OXR1: variants seen among roughly 807,000 people sequenced by gnomAD.
OXR1 encodes the protein oxidation resistance protein 1.
OXR1 carries 41 observed loss-of-function variants against 104.6 expected under a neutral mutation model. The ratio of observed to expected loss-of-function variants is 0.39; its 90% CI spans 0.31 to 0.51. The LOEUF (loss-of-function observed/expected upper bound fraction) is 0.51. Ranked by LOEUF, OXR1 falls within the 20% of genes least tolerant of loss-of-function variation. The pLI is 0.77. For synonymous variants in OXR1, 348 were observed against 348.4 expected, an observed-to-expected ratio of 1.00 and a Z score of 0.01; for missense variants, 955 against 1,031.9, an observed-to-expected ratio of 0.93 and a Z score of 1.02.
intron 2 of OXR1, among the ~76,000 whole-genome samples, chr8:106,464,786 A>G (rs1821089139): frequency 6.6e-6 from 1 of 152,044 alleles, no homozygotes; most frequent in African/African-American, 2.4e-5. Flanking sequence ...ATTGAGCACG[A>G]AGCATATCTC....
chr8:106,538,706 T>C (rs555717854), intron 3 of OXR1, among the ~76,000 whole-genome samples: 3 of 152,334 alleles, frequency 2.0e-5, no homozygotes, highest in Non-Finnish European at 2.9e-5. Context: ...CTCTTTGTTT[T>C]GGTTTCATGC....
At chr8:106,354,867 T>C (rs966553866) in intron 1 of OXR1, among the ~76,000 whole-genome samples, 1 of 152,122 alleles carries the variant, frequency 6.6e-6, no homozygotes, top group South Asian at 2.1e-4. Context: ...ACTAAACGAA[T>C]TTATTAGAAT....
chr8:106,590,302 G>T (rs1293881398), intron 3 of OXR1, among the ~76,000 whole-genome samples: 7 of 151,878 alleles, frequency 4.6e-5, no homozygotes, highest in African/African-American at 1.7e-4. Context: ...TGTTGTTGTT[G>T]TTTGAGACGG....
At chr8:106,406,954 A>C (rs72678565) in intron 2 of OXR1, among the ~76,000 whole-genome samples, 1 of 152,244 alleles carries the variant, frequency 6.6e-6, no homozygotes, top group Non-Finnish European at 1.5e-5. Flanking sequence ...GCAAAACTGC[A>C]ATTACTTCTG....
At position 106,316,717 on chromosome 8, in the gene OXR1, C is replaced by CATCT. The variant is rs71307053; in HGVS notation, c.-138-42704_-138-42701dup. Among the ~76,000 whole-genome samples, 1,133 of 118,648 alleles carry CATCT rather than the reference C, an allele frequency of 9.5e-3. 8 individuals are homozygous for CATCT. The highest frequency in any genetic ancestry group is 0.016 in the East Asian group (68 of 4,340). The allele number at this position is 118,648 out of a possible 152,430, so 77.8% of individuals were successfully genotyped here. Reference sequence around the variant, plus strand: ...TCTATCTATCTATCTATCTATCTATCATCTATCTATCTATCTATCTATCTA... The same window carrying CATCT: ...TCTATCTATCTATCTATCTATCTATCATCTATCTATCTATCTATCTATCTATCTA... On this transcript the variant is annotated intron_variant, in intron 1 of 16. Coordinates refer to ENST00000517566, the MANE Select transcript of OXR1 (RefSeq NM_001198533.2).
intron 3 of OXR1, among the ~76,000 whole-genome samples, chr8:106,523,079 T>A (rs1318465995): frequency 6.6e-6 from 1 of 152,220 alleles, no homozygotes; most frequent in African/African-American, 2.4e-5. Context: ...AGCTACCCGT[T>A]CCTTGCTTGC....
chr8:106,673,397 G>T (rs1341597358), intron 3 of OXR1, among the ~76,000 whole-genome samples: 1 of 152,176 alleles, frequency 6.6e-6, no homozygotes, highest in Non-Finnish European at 1.5e-5. Flanking sequence ...TTCAAGAGGT[G>T]ACCTGGGTGA....
intron 1 of OXR1, among the ~76,000 whole-genome samples, chr8:106,288,765 A>G (rs1452226607): frequency 6.7e-6 from 1 of 148,466 alleles, no homozygotes; most frequent in Non-Finnish European, 1.5e-5. Context: ...GTGTATATAT[A>G]TGTGTATATA....
intron 2 of OXR1, among the ~76,000 whole-genome samples, chr8:106,482,954 T>G (rs1450130263): frequency 1.3e-5 from 2 of 152,040 alleles, no homozygotes; most frequent in Non-Finnish European, 2.9e-5. Context: ...GATAAAATAA[T>G]CTTCACAGTT....
chr8:106,318,884 C>A (rs1814095619), intron 1 of OXR1, among the ~76,000 whole-genome samples: 1 of 152,140 alleles, frequency 6.6e-6, no homozygotes, highest in Non-Finnish European at 1.5e-5. Flanking sequence ...GGTCTATCTC[C>A]AGATGTTAAA....
At chr8:106,489,590 T>C (rs1810939749) in intron 2 of OXR1, among the ~76,000 whole-genome samples, 1 of 152,182 alleles carries the variant, frequency 6.6e-6, no homozygotes, top group Non-Finnish European at 1.5e-5. Context: ...TGTATTGATA[T>C]GTTTGGAATA....
intron 2 of OXR1, among the ~76,000 whole-genome samples, chr8:106,371,743 A>C (rs112935440): frequency 0.028 from 4,211 of 152,120 alleles, 70 homozygotes; most frequent in African/African-American, 0.04. Context: ...CTTTGATTGT[A>C]CTGTGTTCTC....
intron 3 of OXR1, among the ~76,000 whole-genome samples, chr8:106,555,546 T>A (rs1816200744): frequency 6.6e-6 from 1 of 152,048 alleles, no homozygotes; most frequent in Non-Finnish European, 1.5e-5. Context: ...ATGAAGAGTC[T>A]ATAGATGAGA....
intron 3 of OXR1, among the ~76,000 whole-genome samples, chr8:106,562,523 T>A (rs1279710135): frequency 1.3e-5 from 2 of 152,090 alleles, no homozygotes; most frequent in Non-Finnish European, 2.9e-5. Context: ...ACAGGGAGAA[T>A]GGAACCAAGT....
At chr8:106,357,868 C>G (rs1816045151) in intron 1 of OXR1, among the ~76,000 whole-genome samples, 1 of 152,102 alleles carries the variant, frequency 6.6e-6, no homozygotes, top group Admixed American at 6.6e-5. Context: ...CTTTGGGGGT[C>G]AAGGTCACCA....
At chr8:106,464,579 A>G (rs992767902) in intron 2 of OXR1, among the ~76,000 whole-genome samples, 2 of 151,986 alleles carry the variant, frequency 1.3e-5, no homozygotes, top group Admixed American at 6.6e-5. Flanking sequence ...ATGTCAGCCT[A>G]TCGCAGCTAT....
At chr8:106,381,969 A>G (rs2130413007) in intron 2 of OXR1, among the ~76,000 whole-genome samples, 2 of 152,312 alleles carry the variant, frequency 1.3e-5, no homozygotes, top group South Asian at 4.1e-4. Context: ...ACAATAGTCT[A>G]AACATTTCTT....
intron 2 of OXR1, among the ~76,000 whole-genome samples, chr8:106,444,721 G>A (rs746953719): frequency 5.3e-5 from 8 of 151,948 alleles, no homozygotes; most frequent in Non-Finnish European, 1.0e-4. Flanking sequence ...CTTAGAGGAC[G>A]GATCAATAGG....
At chr8:106,685,625 C>G (rs754213691) in intron 6 of OXR1, among the ~76,000 whole-genome samples, 1 of 150,622 alleles carries the variant, frequency 6.6e-6, no homozygotes, top group Non-Finnish European at 1.5e-5. Flanking sequence ...TAGCTACTGT[C>G]AAAGATGGAC....
Sources: allele counts gnomAD v4.1 joint callset (sites outside exome capture counted in the v4.1 genomes callset), GRCh38; gene constraint gnomAD v4.1.1; transcripts MANE v1.5; gene names NCBI Gene and HGNC (gene_info 2026-07-23, HGNC 2026-07-21).